Variants in WDFY2 observed in about 807,000 individuals in gnomAD.
WDFY2 encodes the protein WD repeat and FYVE domain-containing protein 2.
Under a neutral mutation model 56.4 loss-of-function variants are expected in WDFY2, and 36 were observed. That is an observed-to-expected ratio of 0.64 (90% CI 0.49 to 0.84). WDFY2 has a LOEUF of 0.84. Ranked by LOEUF, WDFY2 falls within the 40% of genes least tolerant of loss-of-function variation. WDFY2 has a pLI of 0.00. For synonymous variants in WDFY2, 176 were observed against 183.7 expected (o/e 0.96, Z 0.34); for missense variants, 444 against 512.2 (o/e 0.87, Z 1.29).
intron 4 of WDFY2, among the ~76,000 whole-genome samples, 170 bp from the exon 5 acceptor site, chr13:51,719,028 G>A (rs181380555): frequency 1.7e-4 from 26 of 152,232 alleles, no homozygotes; most frequent in Middle Eastern, 3.4e-3. Flanking sequence ...GTTTAAAGGG[G>A]AATACCCCCA....
In WDFY2 at chr13:51,584,501, G is replaced by A. The variant is rs977494333; in HGVS notation, c.-187G>A. 9 of 744,692 alleles carry A rather than the reference G, an allele frequency of 1.2e-5. No homozygotes were observed. In the African/African-American group the frequency reaches 1.6e-4, roughly 14 times the overall value. 46.1% of individuals were successfully genotyped at this position (744,692 alleles called of 1,614,324 possible). A position where few individuals can be genotyped will look rare whatever the true frequency, so the allele number is the denominator to read the frequency against. On this transcript the variant is annotated 5_prime_UTR_variant, in exon 1 of 12. Coordinates refer to ENST00000298125, the MANE Select transcript of WDFY2 (RefSeq NM_052950.4). ...TTGCATCCCAGGTCGTGGCGGTTTT[G>A]GTGCCTGAAGCAGGGAGCGCGGAGT...
intron 3 of WDFY2, among the ~76,000 whole-genome samples, chr13:51,685,208 A>G (rs1593410736): frequency 6.6e-6 from 1 of 152,242 alleles, no homozygotes; most frequent in African/African-American, 2.4e-5. Flanking sequence ...CAGAGTTGAA[A>G]GACTCTTTGT....
At chr13:51,650,538 T>C (rs1430795441) in intron 1 of WDFY2, among the ~76,000 whole-genome samples, 1 of 152,196 alleles carries the variant, frequency 6.6e-6, no homozygotes, top group East Asian at 1.9e-4. Context: ...CAGTATGATA[T>C]TGGCTGTGGG....
At chr13:51,722,918 A>G (rs1261460486) in intron 5 of WDFY2, among the ~76,000 whole-genome samples, 1 of 152,228 alleles carries the variant, frequency 6.6e-6, no homozygotes, top group African/African-American at 2.4e-5. Flanking sequence ...TGTTTTGATA[A>G]TATTTTTCCT....
chr13:51,744,323 C>T (rs141278843), intron 7 of WDFY2, among the ~76,000 whole-genome samples: 27 of 152,292 alleles, frequency 1.8e-4, no homozygotes, highest in African/African-American at 6.0e-4. Context: ...CTTAAGTTGA[C>T]CGTTGGGCAG....
At chr13:51,710,400 C>T (rs1416429856) in intron 4 of WDFY2, among the ~76,000 whole-genome samples, 2 of 152,116 alleles carry the variant, frequency 1.3e-5, no homozygotes, top group African/African-American at 2.4e-5. Flanking sequence ...CCCTCTCTCA[C>T]CACTCCTATT....
chr13:51,704,564 C>T (rs1468278204), intron 4 of WDFY2, among the ~76,000 whole-genome samples: 2 of 152,196 alleles, frequency 1.3e-5, no homozygotes, highest in Non-Finnish European at 2.9e-5. Context: ...TACAATCTCT[C>T]TTACACATGA....
At chr13:51,657,471 A>G (rs901448226) in intron 1 of WDFY2, among the ~76,000 whole-genome samples, 8 of 152,140 alleles carry the variant, frequency 5.3e-5, no homozygotes, top group Non-Finnish European at 1.2e-4. Context: ...TCTACTAGTA[A>G]TGAATTTCAT....
chr13:51,631,555 G>T (rs369784757), intron 1 of WDFY2, among the ~76,000 whole-genome samples: 1 of 152,062 alleles, frequency 6.6e-6, no homozygotes, highest in East Asian at 1.9e-4. Context: ...GATCACTTCA[G>T]CACATTTTCT....
At chr13:51,626,749 G>A (rs1954841458) in intron 1 of WDFY2, among the ~76,000 whole-genome samples, 1 of 152,252 alleles carries the variant, frequency 6.6e-6, no homozygotes, top group South Asian at 2.1e-4. Context: ...AAAAGAGGCA[G>A]AGATTAATTT....
chr13:51,756,326 C>G lies in WDFY2; in HGVS notation c.934-6C>G. 1 of 1,612,424 alleles carries G rather than the reference C, an allele frequency of 6.2e-7. No homozygotes were observed. The highest frequency in any genetic ancestry group is 8.5e-7 in the Non-Finnish European group (1 of 1,179,114). On this transcript the variant is annotated splice_region_variant and splice_polypyrimidine_tract_variant and intron_variant, in intron 9 of 11. Transcript: ENST00000298125. The stretch of plus-strand genomic sequence containing the variant: ...GATGAGTATCTATTTTATCTCCCTC[C>G]TCCAGCACCACTGCCGCAAGTGTGG...
intron 1 of WDFY2, among the ~76,000 whole-genome samples, chr13:51,639,387 A>G (rs1350138219): frequency 6.6e-6 from 1 of 152,194 alleles, no homozygotes; most frequent in Non-Finnish European, 1.5e-5. Context: ...TGGTTTTCCA[A>G]GATAACATGA....
intron 1 of WDFY2, among the ~76,000 whole-genome samples, chr13:51,618,607 C>T (rs1954667194): frequency 6.6e-6 from 1 of 152,172 alleles, no homozygotes; most frequent in Non-Finnish European, 1.5e-5. Context: ...TAAAGGGTTT[C>T]CTAATTTATA....
intron 3 of WDFY2, among the ~76,000 whole-genome samples, chr13:51,693,272 G>A (rs1034834448): frequency 6.6e-6 from 1 of 151,998 alleles, no homozygotes; most frequent in Non-Finnish European, 1.5e-5. Context: ...TCATTGTGAT[G>A]TTAGGGTGTC....
At chr13:51,714,953 C>T (rs1952310972) in intron 4 of WDFY2, among the ~76,000 whole-genome samples, 1 of 152,120 alleles carries the variant, frequency 6.6e-6, no homozygotes, top group African/African-American at 2.4e-5. Context: ...AGTTGTAGCA[C>T]AATGGTATTT....
chr13:51,756,749 A>C, intron 10 of WDFY2: 9 of 650,938 alleles, frequency 1.4e-5, no homozygotes, highest in South Asian at 6.9e-5. Context: ...CTGTCTGCTC[A>C]TTTACTTGAG....
intron 7 of WDFY2, among the ~76,000 whole-genome samples, chr13:51,741,992 C>G (rs976582288): frequency 2.0e-5 from 3 of 152,168 alleles, no homozygotes; most frequent in African/African-American, 7.2e-5. Flanking sequence ...TCCTACAGTT[C>G]CTGGTTAAAG....
At chr13:51,662,737 A>G (rs1442200961) in intron 2 of WDFY2, among the ~76,000 whole-genome samples, 1 of 152,166 alleles carries the variant, frequency 6.6e-6, no homozygotes. Context: ...TTATTGAAGG[A>G]TTTGGTCTGA....
chr13:51,684,105 A>C (rs1956021487), intron 3 of WDFY2, among the ~76,000 whole-genome samples: 1 of 152,154 alleles, frequency 6.6e-6, no homozygotes, highest in African/African-American at 2.4e-5. Context: ...TAGTGTAGGA[A>C]GACAACCATC....
Sources: allele counts gnomAD v4.1 joint callset (sites outside exome capture counted in the v4.1 genomes callset), GRCh38; gene constraint gnomAD v4.1.1; transcripts MANE v1.5; gene names NCBI Gene and HGNC (gene_info 2026-07-23, HGNC 2026-07-21).